ADORA2B: variants seen among roughly 807,000 people sequenced by gnomAD.
ADORA2B encodes adenosine A2b receptor.
In ADORA2B, 18 loss-of-function variants were observed where a neutral mutation model predicts 20.8. The ratio of observed to expected loss-of-function variants is 0.87; its 90% CI spans 0.60 to 1.29. ADORA2B has a LOEUF of 1.29. Ranked by LOEUF, ADORA2B falls within the 50% of genes most tolerant of loss-of-function variation. ADORA2B has a pLI of 0.00. For synonymous variants in ADORA2B, 179 were observed against 178.3 expected (o/e 1.00, Z -0.03); for missense variants, 441 against 422.7 (o/e 1.04, Z -0.38).
the ADORA2B span, among the ~76,000 whole-genome samples, chr17:15,889,240 G>T: frequency 3.9e-5 from 5 of 128,670 alleles, 1 homozygote; most frequent in Non-Finnish European, 8.2e-5. Context: ...GCTGGTCATT[G>T]TGAAAAAATT....
At chr17:15,956,679 T>G (rs375576457) in intron 1 of ADORA2B, among the ~76,000 whole-genome samples, 24 of 138,178 alleles carry the variant, frequency 1.7e-4, no homozygotes, top group African/African-American at 6.5e-4. Flanking sequence ...CACTGCAACC[T>G]CTGCCTCCTG....
At chr17:15,881,851 A>G in the ADORA2B span, among the ~76,000 whole-genome samples, 1 of 152,226 alleles carries the variant, frequency 6.6e-6, no homozygotes, top group Non-Finnish European at 1.5e-5. Context: ...TCTTCCAGAA[A>G]CACAGCTGGG....
the ADORA2B span, among the ~76,000 whole-genome samples, chr17:15,853,306 G>C: frequency 6.6e-6 from 1 of 152,098 alleles, no homozygotes; most frequent in African/African-American, 2.4e-5. Context: ...GATGCTTTCA[G>C]TACAACAAAA....
the ADORA2B span, among the ~76,000 whole-genome samples, chr17:15,862,306 C>G: frequency 4.7e-5 from 7 of 148,280 alleles, no homozygotes; most frequent in Non-Finnish European, 1.0e-4. Flanking sequence ...ACCTCTGCCT[C>G]CTGGGTCCAA....
At chr17:15,960,086 A>G (rs1287624903) in intron 1 of ADORA2B, among the ~76,000 whole-genome samples, 1 of 152,084 alleles carries the variant, frequency 6.6e-6, no homozygotes, top group Admixed American at 6.5e-5. Context: ...TGGGCAACAC[A>G]GCGAGGCCCC....
chr17:15,944,779 G>T (rs960156617), upstream of ADORA2B: 1 of 152,648 alleles, frequency 6.6e-6, no homozygotes, highest in Non-Finnish European at 1.5e-5. This position sits in a 1 kb window ranked among gnomAD's most constrained non-coding sequence, Gnocchi z 4.8. Flanking sequence ...GCGCGGCCCT[G>T]GGGGGTCCTC....
At chr17:15,965,288 G>A (rs1488561987) in intron 1 of ADORA2B, among the ~76,000 whole-genome samples, 1 of 152,196 alleles carries the variant, frequency 6.6e-6, no homozygotes, top group Non-Finnish European at 1.5e-5. Flanking sequence ...TAAGAAGGCA[G>A]GGTTCTGTTC....
chr17:15,853,375 A>G, the ADORA2B span, among the ~76,000 whole-genome samples: 5 of 152,270 alleles, frequency 3.3e-5, no homozygotes, highest in Non-Finnish European at 7.3e-5. Context: ...AAAGTTCTGC[A>G]TGAAGTTTGT....
chr17:15,893,783 G>A, the ADORA2B span, among the ~76,000 whole-genome samples: 1 of 152,144 alleles, frequency 6.6e-6, no homozygotes, highest in Non-Finnish European at 1.5e-5. Flanking sequence ...CCAACATAGC[G>A]CAGATCCACA....
intron 1 of ADORA2B, among the ~76,000 whole-genome samples, chr17:15,954,605 C>G (rs1286570325): frequency 6.6e-6 from 1 of 152,052 alleles, no homozygotes; most frequent in Admixed American, 6.6e-5. Context: ...TCTTATATGT[C>G]AAAAATGTTT....
chr17:15,946,109 C>G (rs967549446), intron 1 of ADORA2B, among the ~76,000 whole-genome samples: 1 of 152,206 alleles, frequency 6.6e-6, no homozygotes, highest in Non-Finnish European at 1.5e-5. Context: ...AGAATGGACA[C>G]GCATGAGCCA....
At chr17:15,917,255 G>A in the ADORA2B span, among the ~76,000 whole-genome samples, 2 of 152,250 alleles carry the variant, frequency 1.3e-5, no homozygotes, top group African/African-American at 2.4e-5. Flanking sequence ...AGTGAGATCT[G>A]ATTGTGCCAC....
rs748891843 is a variant in ADORA2B at position 15,974,906 on chromosome 17, T to C, written c.563T>C (p.Phe188Ser). The change falls in exon 2 of 2, where the codon TTT becomes TCT. Residue 188 changes from phenylalanine to serine, a missense_variant. By Grantham distance (155) the Phe-to-Ser change is radical (BLOSUM62 -2). Transcript: ENST00000304222. The stretch of plus-strand genomic sequence containing the variant: ...AGCTACATGGTATATTTCAATTTCT[T>C]TGGGTGTGTTCTGCCCCCACTGCTT... ...PMSYMVYFNF[F>S]GCVLPPLLIM... 4.3e-6 allele frequency: 7 copies of C among 1,614,168 alleles called. No homozygotes were observed. In the South Asian group the frequency reaches 6.6e-5, roughly 15 times the overall value.
the ADORA2B span, among the ~76,000 whole-genome samples, chr17:15,895,092 T>C: frequency 1.3e-5 from 2 of 152,064 alleles, no homozygotes; most frequent in Non-Finnish European, 2.9e-5. Flanking sequence ...GAGGTCAGTA[T>C]TTTTCTATGA....
the ADORA2B span, among the ~76,000 whole-genome samples, chr17:15,898,685 G>T: frequency 6.6e-6 from 1 of 151,804 alleles, no homozygotes; most frequent in East Asian, 1.9e-4. Flanking sequence ...TAAATTTATT[G>T]TCTTTGTCTT....
chr17:15,880,763 C>T, the ADORA2B span, among the ~76,000 whole-genome samples: 16 of 152,270 alleles, frequency 1.1e-4, no homozygotes, highest in Admixed American at 2.0e-4. Flanking sequence ...TGTGAGCTGA[C>T]GCTTCTGCAA....
chr17:15,937,807 A>AG, the ADORA2B span, among the ~76,000 whole-genome samples: 1 of 152,148 alleles, frequency 6.6e-6, no homozygotes, highest in African/African-American at 2.4e-5. Context: ...TCCTGATCTC[A>AG]GGTGATCCAC....
At chr17:15,855,921 A>C in the ADORA2B span, among the ~76,000 whole-genome samples, 2 of 151,926 alleles carry the variant, frequency 1.3e-5, no homozygotes, top group Admixed American at 6.5e-5. Context: ...TGCTTGACTG[A>C]AACTGTACCC....
the ADORA2B span, among the ~76,000 whole-genome samples, chr17:15,855,856 C>T: frequency 3.9e-5 from 6 of 152,032 alleles, no homozygotes; most frequent in Admixed American, 2.6e-4. Context: ...CCCCATTCTA[C>T]CACTCTCCAA....
Sources: gnomAD v4.1 joint callset for allele counts (sites outside exome capture counted in the v4.1 genomes callset) on GRCh38, gnomAD v4.1.1 for gene constraint, Gnocchi (gnomAD v3.1) non-coding constraint, MANE v1.5 for transcripts, NCBI Gene and HGNC (gene_info 2026-07-23, HGNC 2026-07-21) for gene names.